Variants in RAB7A observed in about 807,000 individuals in gnomAD.
RAB7A encodes the protein RAB7A, member RAS oncogene family.
RAB7A carries 2 observed loss-of-function variants against 24.5 expected under a neutral mutation model. That is an observed-to-expected ratio of 0.08 (90% CI 0.03 to 0.26). The LOEUF is 0.26. RAB7A is among the 10% of genes least tolerant of loss of function. The probability of loss-of-function intolerance (pLI) is 1.00; values close to 1 mark genes in which losing one functional copy is unlikely to be tolerated. For missense variants in RAB7A, 118 were observed against 255.7 expected, an observed-to-expected ratio of 0.46 and a Z score of 3.67; for synonymous variants, 100 against 95.9, an observed-to-expected ratio of 1.04 and a Z score of -0.25.
rs774810842 is a variant in RAB7A, at chr3:128,807,648, A to G, written c.505A>G (p.Ile169Val). ...CAACGTGGAGCAGGCGTTCCAGACG[A>G]TTGCACGGAATGCACTTAAGCAGGT... ...AINVEQAFQTIARNALKQETE... is the reference protein window; with the variant it reads ...AINVEQAFQTVARNALKQETE... Residue 169 changes from isoleucine to valine, a missense_variant, in exon 5 of 6, where the codon ATT (isoleucine) becomes GTT (valine). Ile to Val is a conservative substitution (Grantham distance 29, BLOSUM62 3). This residue lies in a region of RAB7A where 66 missense variants were observed against 82.2 expected (regional missense o/e 0.80). Coordinates refer to ENST00000265062, the MANE Select transcript of RAB7A (RefSeq NM_004637.6). The G allele has an allele frequency of 6.2e-7, 1 of 1,614,164 alleles. No homozygotes were observed. Among genetic ancestry groups the G allele is most frequent in the Non-Finnish European group, 8.5e-7 (1 of 1,180,022 alleles).
intron 1 of RAB7A, among the ~76,000 whole-genome samples, chr3:128,789,042 C>T (rs1933399048): frequency 1.3e-5 from 2 of 152,194 alleles, no homozygotes; most frequent in South Asian, 4.1e-4. Context: ...GGTAGTTTCG[C>T]TCTGAGGAGC....
Position 128,804,988 on chromosome 3 carries a change from G to C in RAB7A, c.181-1384G>C, listed in dbSNP as rs1489651227. On this transcript the variant is annotated intron_variant, in intron 3 of 5. Transcript: ENST00000265062. ...TGACGGGGTAGAGGGGAGGAACTTG[G>C]GAGAATGTGGAGAGTATCACATGTG... Among the ~76,000 whole-genome samples the C allele has an allele frequency of 2.0e-5, 3 of 152,190 alleles. No individual in the cohort carries two copies. In the East Asian group the frequency reaches 5.8e-4, roughly 29 times the overall value.
At chr3:128,761,147 AATTCTGGCCTGT>A (rs1351387569) in intron 1 of RAB7A, among the ~76,000 whole-genome samples, 4 of 152,108 alleles carry the variant, frequency 2.6e-5, no homozygotes, top group Non-Finnish European at 5.9e-5. Flanking sequence ...CCCATGTTAA[AATTCTGGCCTGT>A]ATTCTTCTAA....
chr3:128,766,147 G>A (rs192276479), intron 1 of RAB7A, among the ~76,000 whole-genome samples: 2 of 152,260 alleles, frequency 1.3e-5, no homozygotes, highest in Admixed American at 1.3e-4. Context: ...GACCAGAGCA[G>A]CCCCTCTACT....
chr3:128,779,584 T>C (rs966787961), intron 1 of RAB7A, among the ~76,000 whole-genome samples: 4 of 50,622 alleles, frequency 7.9e-5, no homozygotes, highest in Non-Finnish European at 1.5e-4. Flanking sequence ...GTGTGTGTGT[T>C]GGGGTGGGGT....
intron 1 of RAB7A, among the ~76,000 whole-genome samples, chr3:128,747,580 C>A (rs1329747436): frequency 6.6e-6 from 1 of 151,054 alleles, no homozygotes; most frequent in Non-Finnish European, 1.5e-5. Flanking sequence ...GAGCAAAACT[C>A]CATGAAATAA....
chr3:128,757,774 T>C (rs1156800616), intron 1 of RAB7A, among the ~76,000 whole-genome samples: 1 of 152,144 alleles, frequency 6.6e-6, no homozygotes, highest in African/African-American at 2.4e-5. Context: ...TGCCTCAGCC[T>C]CCCAGAGTGC....
chr3:128,790,629 G>T (rs957239079), intron 1 of RAB7A, among the ~76,000 whole-genome samples: 8 of 152,118 alleles, frequency 5.3e-5, no homozygotes, highest in Non-Finnish European at 8.8e-5. Context: ...TTACCATTTA[G>T]TGAATTGTTC....
Position 128,806,527 on chromosome 3 carries a change from C to T in RAB7A, c.336C>T (p.Pro112=). 1 of 1,614,126 alleles carries T rather than the reference C, an allele frequency of 6.2e-7. No homozygotes were observed. Among genetic ancestry groups the T allele is most frequent in the East Asian group, 2.2e-5 (1 of 44,876 alleles). Residue 112 remains proline (P), a synonymous_variant, in exon 4 of 6, where the codon CCC becomes CCT. Coordinates refer to ENST00000265062, the MANE Select transcript of RAB7A (RefSeq NM_004637.6). ...ATGAGTTTCTCATCCAGGCCAGTCCCCGAGATCCTGAAAACTTCCCATTTG... is the reference window on the plus strand; with the variant it reads ...ATGAGTTTCTCATCCAGGCCAGTCCTCGAGATCCTGAAAACTTCCCATTTG... ...WRDEFLIQAS[P]RDPENFPFVV... is the part of the protein sequence containing the mutation.
At position 128,795,427 on chromosome 3, in the gene RAB7A, TACTC is replaced by T; in HGVS notation, c.53+9_53+12del. On this transcript the variant is annotated splice_region_variant and intron_variant, in intron 2 of 5. Coordinates refer to ENST00000265062, the MANE Select transcript of RAB7A (RefSeq NM_004637.6). ...TCATCCTGGGAGATTCTGGGTAAGT[TACTC>T]ATGAATTTGAGCTAACAGATTGGCT... The T allele has an allele frequency of 6.2e-7, 1 of 1,610,452 alleles. No individual in the cohort carries two copies. The highest frequency in any genetic ancestry group is 1.1e-5 in the South Asian group (1 of 91,002).
At chr3:128,745,478 C>T (rs1014103365) in intron 1 of RAB7A, among the ~76,000 whole-genome samples, 29 of 152,286 alleles carry the variant, frequency 1.9e-4, no homozygotes, top group African/African-American at 3.1e-4. Context: ...GTTCTCCCAC[C>T]GCAGCCTCCT....
intron 1 of RAB7A, among the ~76,000 whole-genome samples, chr3:128,772,764 A>AT (rs1479793803): frequency 6.6e-6 from 1 of 152,282 alleles, no homozygotes; most frequent in African/African-American, 2.4e-5. Flanking sequence ...TGGTTTTCAT[A>AT]TTTTTTTGGT....
intron 1 of RAB7A, among the ~76,000 whole-genome samples, chr3:128,740,774 A>G (rs1157182490): frequency 6.6e-6 from 1 of 151,500 alleles, no homozygotes; most frequent in Non-Finnish European, 1.5e-5. Context: ...GTGGTGGCAC[A>G]TACTTGTAGT....
intron 1 of RAB7A, among the ~76,000 whole-genome samples, chr3:128,738,194 A>G (rs1265548696): frequency 6.6e-6 from 1 of 151,836 alleles, no homozygotes; most frequent in Non-Finnish European, 1.5e-5. Flanking sequence ...CACTACGCCC[A>G]GTTAATTTTG....
intron 3 of RAB7A, 40 bp from the exon 4 acceptor site, chr3:128,806,332 C>T (rs972568676): frequency 6.4e-7 from 1 of 1,569,014 alleles, no homozygotes; most frequent in Non-Finnish European, 8.8e-7. Flanking sequence ...GGTGCTCTGC[C>T]TAGCATTCTC....
rs2107616081 is a variant in RAB7A at position 128,807,587 on chromosome 3, C to T, written c.444C>T (p.Asn148=). 3 of 1,614,236 alleles carry T rather than the reference C, an allele frequency of 1.9e-6. No homozygotes were observed. Among genetic ancestry groups the T allele is most frequent in the Middle Eastern group, 3.3e-4 (2 of 6,058 alleles). Residue 148 remains asparagine, a synonymous_variant, in exon 5 of 6, where the codon AAC becomes AAT. Transcript: ENST00000265062. ...RAQAWCYSKN[N]IPYFETSAKE... is the part of the protein sequence containing the mutation. ...AGGCCTGGTGCTACAGCAAAAACAA[C>T]ATTCCCTACTTTGAGACCAGTGCCA...
chr3:128,756,891 T>C (rs2070733972), intron 1 of RAB7A, among the ~76,000 whole-genome samples: 1 of 151,352 alleles, frequency 6.6e-6, no homozygotes, highest in Non-Finnish European at 1.5e-5. Flanking sequence ...TCACCCACGC[T>C]GGAGTGCAGT....
intron 1 of RAB7A, among the ~76,000 whole-genome samples, chr3:128,743,695 G>A (rs2070579338): frequency 6.6e-6 from 1 of 152,122 alleles, no homozygotes; most frequent in Non-Finnish European, 1.5e-5. Context: ...GCTCATGCCT[G>A]TAACGCCAGC....
chr3:128,813,856 C>A lies in RAB7A; in HGVS notation c.*434C>A. 3.8e-6 allele frequency: 1 copy of A among 264,378 alleles called. No homozygotes were observed. Among genetic ancestry groups the A allele is most frequent in the Non-Finnish European group, 7.6e-6 (1 of 132,260 alleles). The allele number at this position is 264,378 out of a possible 1,614,324, so 16.4% of individuals were successfully genotyped here. A position where few individuals can be genotyped will look rare whatever the true frequency, so the allele number is the denominator to read the frequency against. On this transcript the variant is annotated 3_prime_UTR_variant, in exon 6 of 6. Transcript: ENST00000265062. ...TATTGGTCTTGTGGTCTTTTTACCC[C>A]CCCTTTCCCCTCCCTCCTTGAAGGC...
Sources: gnomAD v4.1 joint callset for allele counts (sites outside exome capture counted in the v4.1 genomes callset) on GRCh38, gnomAD v4.1.1 for gene constraint, gnomAD v4.1.1 regional missense constraint, MANE v1.5 for transcripts, NCBI Gene and HGNC (gene_info 2026-07-23, HGNC 2026-07-21) for gene names.